The following CDH12 variants were observed in gnomAD, a reference collection of about 807,000 sequenced individuals.
CDH12 encodes cadherin-12.
Under a neutral mutation model 74.1 loss-of-function variants are expected in CDH12, and 41 were observed. The observed-to-expected ratio is 0.55, with a 90% confidence interval of 0.43 to 0.72. The LOEUF is 0.72. CDH12 is among the 30% of genes least tolerant of loss of function. The pLI is 0.00. For synonymous variants in CDH12, 399 were observed against 355.0 expected, an observed-to-expected ratio of 1.12 and a Z score of -1.39; for missense variants, 945 against 977.2, an observed-to-expected ratio of 0.97 and a Z score of 0.44.
intron 6 of CDH12, among the ~76,000 whole-genome samples, chr5:21,864,775 A>G (rs1751239770): frequency 6.6e-6 from 1 of 152,200 alleles, no homozygotes; most frequent in South Asian, 2.1e-4. Context: ...GTATTAAGAG[A>G]AATTCTGGTG....
At chr5:22,830,047 G>T (rs1736519193) in intron 1 of CDH12, among the ~76,000 whole-genome samples, 1 of 152,090 alleles carries the variant, frequency 6.6e-6, no homozygotes, top group Non-Finnish European at 1.5e-5. Context: ...AAGGCTAAAT[G>T]ATTTTTTAAA....
intron 2 of CDH12, among the ~76,000 whole-genome samples, chr5:22,438,421 A>C (rs1379986065): frequency 1.3e-5 from 2 of 152,046 alleles, no homozygotes; most frequent in African/African-American, 4.8e-5. Flanking sequence ...AGCTCACAGA[A>C]GTGATGAGAC....
At chr5:22,775,687 C>A (rs929955003) in intron 1 of CDH12, among the ~76,000 whole-genome samples, 1 of 151,932 alleles carries the variant, frequency 6.6e-6, no homozygotes, top group African/African-American at 2.4e-5. Flanking sequence ...AGAAGGTGAA[C>A]TGAGATGTAA....
intron 1 of CDH12, among the ~76,000 whole-genome samples, chr5:22,597,330 T>A (rs954574408): frequency 7.9e-5 from 12 of 152,240 alleles, no homozygotes; most frequent in Non-Finnish European, 1.8e-4. Context: ...TGTAGATAAA[T>A]AAGCTACAGC....
chr5:22,275,922 C>T (rs528896070), intron 3 of CDH12, among the ~76,000 whole-genome samples: 1 of 152,044 alleles, frequency 6.6e-6, no homozygotes, highest in East Asian at 1.9e-4. Context: ...TCCTGCATAG[C>T]AAATATTTTA....
chr5:22,591,934 T>C (rs1223609291), intron 1 of CDH12, among the ~76,000 whole-genome samples: 1 of 151,468 alleles, frequency 6.6e-6, no homozygotes, highest in Non-Finnish European at 1.5e-5. Flanking sequence ...TGAGATATCA[T>C]TTAACAAGTT....
At chr5:21,828,837 T>A (rs1025853574) in intron 8 of CDH12, among the ~76,000 whole-genome samples, 1 of 152,142 alleles carries the variant, frequency 6.6e-6, no homozygotes, top group Non-Finnish European at 1.5e-5. Context: ...TTTGATGATT[T>A]TTTTTTCCTT....
chr5:22,673,818 A>G (rs1741025857), intron 1 of CDH12, among the ~76,000 whole-genome samples: 1 of 152,218 alleles, frequency 6.6e-6, no homozygotes, highest in African/African-American at 2.4e-5. Context: ...GTATACTTAC[A>G]TTCTAGTGAA....
At chr5:21,841,996 C>T (rs1749885906) in intron 8 of CDH12, among the ~76,000 whole-genome samples, 165 bp downstream of exon 8, 1 of 146,292 alleles carries the variant, frequency 6.8e-6, no homozygotes. Flanking sequence ...TACCCTAAAA[C>T]TTAAAGTATA....
chr5:22,659,574 A>G (rs1053417044), intron 1 of CDH12, among the ~76,000 whole-genome samples: 2 of 152,086 alleles, frequency 1.3e-5, no homozygotes, highest in Non-Finnish European at 2.9e-5. Flanking sequence ...AAACAAAAAC[A>G]TTGCTTGAAT....
intron 3 of CDH12, among the ~76,000 whole-genome samples, chr5:22,340,368 T>C (rs939884004): frequency 1.3e-5 from 2 of 151,734 alleles, no homozygotes; most frequent in Non-Finnish European, 2.9e-5. Flanking sequence ...CTACTAAAAA[T>C]ACAAAAAAAT....
intron 4 of CDH12, among the ~76,000 whole-genome samples, chr5:22,093,910 G>C (rs534763432): frequency 6.6e-6 from 1 of 152,238 alleles, no homozygotes; most frequent in Admixed American, 6.5e-5. Flanking sequence ...CCCAATTCAT[G>C]TGTTAATATA....
intron 1 of CDH12, among the ~76,000 whole-genome samples, chr5:22,587,253 C>T (rs78609096): frequency 0.011 from 1,636 of 152,088 alleles, 35 homozygotes; most frequent in African/African-American, 0.038. Flanking sequence ...TATTCACTTG[C>T]CCCTTTCACT....
rs567630149 is a variant in CDH12, at chr5:22,787,594, TGTTTTATTTTTAATA to T, written c.-523+65449_-523+65463del. On this transcript the variant is annotated intron_variant, in intron 1 of 14. Transcript: ENST00000382254. ...GTTTTAAAATATTTATTTTTAATAA[TGTTTTATTTTTAATA>T]GTTTTATTTTTAATAAAATAATGTT... Among the ~76,000 whole-genome samples, 934 of 152,190 alleles carry T rather than the reference TGTTTTATTTTTAATA, an allele frequency of 6.1e-3. 2 individuals are homozygous for T. Among genetic ancestry groups the T allele is most frequent in the Non-Finnish European group, 9.6e-3 (651 of 67,994 alleles).
rs1455225492 is a variant in CDH12 at position 22,599,721 on chromosome 5, ATTAT to A, written c.-522-94361_-522-94358del. On this transcript the variant is annotated intron_variant, in intron 1 of 14. Coordinates refer to ENST00000382254, the MANE Select transcript of CDH12 (RefSeq NM_004061.5). ...ATTTAGACAAGGTGAACGTTAGTTT[ATTAT>A]TTAAGTAGATATTAGTAAATATACT... 3.3e-5 allele frequency among the ~76,000 whole-genome samples: 5 copies of A among 152,176 alleles called. No homozygotes were observed. In the East Asian group the frequency reaches 7.7e-4, roughly 23 times the overall value.
chr5:21,920,193 T>A (rs1754286914), intron 6 of CDH12, among the ~76,000 whole-genome samples: 2 of 152,160 alleles, frequency 1.3e-5, no homozygotes, highest in Non-Finnish European at 2.9e-5. Flanking sequence ...TTCAGAAAAT[T>A]GGGATACATC....
At chr5:22,609,254 G>A (rs1370737114) in intron 1 of CDH12, among the ~76,000 whole-genome samples, 1 of 152,094 alleles carries the variant, frequency 6.6e-6, no homozygotes, top group African/African-American at 2.4e-5. Context: ...TTATACTTAT[G>A]TACATAATGT....
At chr5:22,611,577 G>C (rs1350769768) in intron 1 of CDH12, among the ~76,000 whole-genome samples, 1 of 152,258 alleles carries the variant, frequency 6.6e-6, no homozygotes, top group East Asian at 1.9e-4. Flanking sequence ...CCTTTAGCCT[G>C]TCTCAGCTTG....
intron 5 of CDH12, among the ~76,000 whole-genome samples, chr5:22,063,988 TACACACACACACAC>T (rs10552100): frequency 8.2e-5 from 12 of 146,762 alleles, no homozygotes; most frequent in Admixed American, 4.1e-4. Context: ...ATTATGGAGA[TACACACACACACAC>T]ACACACACAC....
Sources: allele counts gnomAD v4.1 joint callset (sites outside exome capture counted in the v4.1 genomes callset), GRCh38; gene constraint gnomAD v4.1.1; transcripts MANE v1.5; gene names NCBI Gene and HGNC (gene_info 2026-07-23, HGNC 2026-07-21).